UBE3D: variants seen among roughly 807,000 people sequenced by gnomAD.
The protein encoded by UBE3D is E3 ubiquitin-protein ligase E3D.
A neutral mutation model predicts 49.6 loss-of-function variants in UBE3D; 48 were observed. That is an observed-to-expected ratio of 0.97 (90% CI 0.77 to 1.23). UBE3D has a LOEUF of 1.23. UBE3D is among the 50% of genes most tolerant of loss of function. UBE3D has a pLI of 0.00. For synonymous variants in UBE3D, 189 were observed against 174.2 expected, an observed-to-expected ratio of 1.08 and a Z score of -0.67; for missense variants, 452 against 468.4, an observed-to-expected ratio of 0.96 and a Z score of 0.32.
At chr6:83,019,724 A>ATT (rs1780951929) in intron 7 of UBE3D, among the ~76,000 whole-genome samples, 2 of 152,190 alleles carry the variant, frequency 1.3e-5, no homozygotes, top group Non-Finnish European at 2.9e-5. Context: ...GGAAAGAGCT[A>ATT]GTTAAGGATA....
At chr6:82,984,933 C>A (rs148948920) in intron 8 of UBE3D, among the ~76,000 whole-genome samples, 3,395 of 151,802 alleles carry the variant, frequency 0.022, 66 homozygotes, top group Middle Eastern at 0.083. Flanking sequence ...ACCTCAGCCT[C>A]CCAAGTAGGT....
At chr6:82,940,595 T>G (rs1774934611) in intron 9 of UBE3D, among the ~76,000 whole-genome samples, 2 of 152,024 alleles carry the variant, frequency 1.3e-5, no homozygotes, top group Non-Finnish European at 2.9e-5. Context: ...TTCTAGGGAG[T>G]GCCTGCCCAT....
intron 9 of UBE3D, among the ~76,000 whole-genome samples, chr6:82,951,460 G>C (rs1290956632): frequency 6.6e-6 from 1 of 152,096 alleles, no homozygotes; most frequent in Non-Finnish European, 1.5e-5. Context: ...CTCCACTCAG[G>C]GACCAAGGCT....
At chr6:83,046,528 A>C (rs1367543925) in intron 3 of UBE3D, among the ~76,000 whole-genome samples, 2 of 152,152 alleles carry the variant, frequency 1.3e-5, no homozygotes, top group Non-Finnish European at 2.9e-5. Flanking sequence ...AAGGCATTCT[A>C]CTGGCACAAA....
intron 3 of UBE3D, among the ~76,000 whole-genome samples, chr6:83,052,833 G>A (rs1456478228): frequency 6.6e-6 from 1 of 152,202 alleles, no homozygotes; most frequent in East Asian, 1.9e-4. Context: ...TTACTTAGCT[G>A]TGCTAAAATA....
chr6:83,038,282 G>A, intron 5 of UBE3D, 134 bp downstream of exon 5: 1 of 666,248 alleles, frequency 1.5e-6, no homozygotes, highest in East Asian at 2.9e-5. Context: ...ATGTTACTTG[G>A]GGTCTATTTT....
intron 9 of UBE3D, chr6:82,924,702 T>G (rs2127738756): frequency 6.6e-6 from 1 of 152,330 alleles, no homozygotes; most frequent in Non-Finnish European, 1.5e-5. Context: ...CATTTTTAAA[T>G]AACATCATTT....
At chr6:82,996,895 AAG>A (rs1779280120) in intron 8 of UBE3D, among the ~76,000 whole-genome samples, 1 of 152,230 alleles carries the variant, frequency 6.6e-6, no homozygotes, top group Admixed American at 6.5e-5. Flanking sequence ...GAATAGAAAA[AAG>A]GACATTCCTG....
chr6:83,024,513 G>A lies in UBE3D; in HGVS notation c.668-475C>T, dbSNP rs142256717. On this transcript the variant is annotated intron_variant, in intron 5 of 9. Coordinates refer to ENST00000369747, the MANE Select transcript of UBE3D (RefSeq NM_198920.3). Reference sequence around the variant, plus strand: ...TCAATACACACTTTGGGGAACTAACGTGGGGATTCTGCCAGCTGCTAAGTG... The same window carrying A: ...TCAATACACACTTTGGGGAACTAACATGGGGATTCTGCCAGCTGCTAAGTG... Among the ~76,000 whole-genome samples, 51 of 152,184 alleles carry A rather than the reference G, an allele frequency of 3.4e-4. 1 individual carries two copies. The highest frequency in any genetic ancestry group is 6.6e-4 in the Admixed American group (10 of 15,266).
chr6:82,945,445 A>G (rs1416234160), intron 9 of UBE3D, among the ~76,000 whole-genome samples: 1 of 152,230 alleles, frequency 6.6e-6, no homozygotes, highest in Non-Finnish European at 1.5e-5. Flanking sequence ...TAACACAATT[A>G]CTAGGCTTCA....
intron 9 of UBE3D, among the ~76,000 whole-genome samples, chr6:82,919,547 G>A (rs1562083342): frequency 6.6e-6 from 1 of 151,796 alleles, no homozygotes; most frequent in African/African-American, 2.4e-5. Context: ...AGTGAGCCAA[G>A]ATCACACCAC....
At chr6:82,928,461 T>C (rs1386582710) in intron 9 of UBE3D, among the ~76,000 whole-genome samples, 4 of 152,162 alleles carry the variant, frequency 2.6e-5, no homozygotes, top group Non-Finnish European at 4.4e-5. Context: ...ACACTGCAAA[T>C]TGCCACTTCA....
At chr6:83,045,591 T>C (rs533652704) in intron 3 of UBE3D, among the ~76,000 whole-genome samples, 1 of 152,318 alleles carries the variant, frequency 6.6e-6, no homozygotes, top group African/African-American at 2.4e-5. Context: ...CGTGTCTTAA[T>C]GGTCAGATCA....
chr6:83,051,491 T>A (rs960501651), intron 3 of UBE3D, among the ~76,000 whole-genome samples: 1 of 152,198 alleles, frequency 6.6e-6, no homozygotes, highest in African/African-American at 2.4e-5. Context: ...AGCATATCCT[T>A]TACTGTAAGC....
chr6:82,974,402 C>T (rs1777569866), intron 8 of UBE3D, among the ~76,000 whole-genome samples: 1 of 152,170 alleles, frequency 6.6e-6, no homozygotes, highest in Non-Finnish European at 1.5e-5. Flanking sequence ...GTGCTCGCTA[C>T]ACCCTTAAAA....
chr6:82,967,029 T>C (rs1429264964), intron 8 of UBE3D, among the ~76,000 whole-genome samples: 1 of 152,196 alleles, frequency 6.6e-6, no homozygotes, highest in Non-Finnish European at 1.5e-5. Context: ...ATTAATCTTT[T>C]ATTTCCATTC....
At chr6:82,919,380 G>T (rs1374283802) in intron 9 of UBE3D, among the ~76,000 whole-genome samples, 1 of 151,774 alleles carries the variant, frequency 6.6e-6, no homozygotes, top group African/African-American at 2.4e-5. Context: ...GAGGCAAGCA[G>T]ATCACGAGGT....
At chr6:83,010,725 C>A (rs1780277290) in intron 8 of UBE3D, among the ~76,000 whole-genome samples, 1 of 152,158 alleles carries the variant, frequency 6.6e-6, no homozygotes. Context: ...GGGCAAGAAG[C>A]ATCCAGCATA....
chr6:82,880,895 C>A, the UBE3D span, among the ~76,000 whole-genome samples: 1 of 152,074 alleles, frequency 6.6e-6, no homozygotes, highest in Non-Finnish European at 1.5e-5. Flanking sequence ...CAGGCTCTTT[C>A]CTGGTTTGCA....
Sources: gnomAD v4.1 joint callset for allele counts (sites outside exome capture counted in the v4.1 genomes callset) on GRCh38, gnomAD v4.1.1 for gene constraint, MANE v1.5 for transcripts, NCBI Gene and HGNC (gene_info 2026-07-23, HGNC 2026-07-21) for gene names.